Variants in WIPI2 observed in about 807,000 individuals in gnomAD.
WIPI2 encodes the protein WD repeat domain, phosphoinositide interacting 2, also known as WD repeat domain phosphoinositide-interacting protein 2.
A neutral mutation model predicts 52.3 loss-of-function variants in WIPI2; 28 were observed. The ratio of observed to expected loss-of-function variants is 0.54; its 90% CI spans 0.40 to 0.73. The LOEUF (loss-of-function observed/expected upper bound fraction) is 0.73. Ranked by LOEUF, WIPI2 falls within the 30% of genes least tolerant of loss-of-function variation. WIPI2 has a pLI of 0.00. For missense variants in WIPI2, 506 were observed against 602.9 expected (o/e 0.84, Z 1.68); for synonymous variants, 268 against 245.0 (o/e 1.09, Z -0.88).
rs1562384727 is a variant in WIPI2 at position 5,197,135 on chromosome 7, A to C, written c.129-2441A>C. ...TCAAAAAACAAAAAAAAAAAAAAAA[A>C]AAAAAAAAAAACCATAAAATAAATA... On this transcript the variant is annotated intron_variant, in intron 2 of 12. Transcript: ENST00000288828. 7.4e-5 allele frequency among the ~76,000 whole-genome samples: 11 copies of C among 149,098 alleles called. 1 individual carries two copies. The South Asian group carries it at 8.4e-4, about 11-fold the overall frequency.
chr7:5,198,943 C>T (rs79658270), intron 2 of WIPI2, among the ~76,000 whole-genome samples: 3 of 152,194 alleles, frequency 2.0e-5, no homozygotes, highest in African/African-American at 7.2e-5. Flanking sequence ...GATCTGCTGT[C>T]TCAGCAAATT....
At chr7:5,205,691 A>G (rs1399934067) in intron 3 of WIPI2, among the ~76,000 whole-genome samples, 1 of 152,054 alleles carries the variant, frequency 6.6e-6, no homozygotes, top group African/African-American at 2.4e-5. Context: ...TTTTTTTAGT[A>G]GAGATGGGGT....
intron 1 of WIPI2, among the ~76,000 whole-genome samples, chr7:5,191,870 G>T (rs1781499175): frequency 6.6e-6 from 1 of 152,182 alleles, no homozygotes; most frequent in Non-Finnish European, 1.5e-5. Flanking sequence ...GAAGACAGTC[G>T]CACAGTGGGA....
rs370155032 is a variant in WIPI2 at position 5,193,100 on chromosome 7, T to C, written c.75-18T>C. The C allele has an allele frequency of 8.1e-6, 13 of 1,612,092 alleles. No individual in the cohort carries two copies. The highest frequency in any genetic ancestry group is 1.0e-5 in the Non-Finnish European group (12 of 1,178,674). On this transcript the variant is annotated intron_variant, in intron 1 of 12. Coordinates refer to ENST00000288828, the MANE Select transcript of WIPI2 (RefSeq NM_015610.4). ...TTTTTACCATTTGTTTTTTGTTTTG[T>C]TTTGTTTTTTTACCTAGAGAAGTGA...
In WIPI2 at chr7:5,190,337, C is replaced by T. The variant is rs939649256; in HGVS notation, c.-83C>T. 9.8e-5 allele frequency: 96 copies of T among 975,202 alleles called. No individual in the cohort carries two copies. Among genetic ancestry groups the T allele is most frequent in the Non-Finnish European group, 1.1e-4 (85 of 756,596 alleles). The allele number at this position is 975,202 out of a possible 1,614,324, so 60.4% of individuals were successfully genotyped here. On this transcript the variant is annotated 5_prime_UTR_variant, in exon 1 of 13. Transcript: ENST00000288828. ...GCGGCGACCGAGGCGGCGAGCGGGGCCCGGCGCCGACCCTGAGTGCAGCCT... is the reference window on the plus strand; with the variant it reads ...GCGGCGACCGAGGCGGCGAGCGGGGTCCGGCGCCGACCCTGAGTGCAGCCT...
chr7:5,216,081 GGA>G (rs1782795231), intron 4 of WIPI2: 1 of 155,972 alleles, frequency 6.4e-6, no homozygotes, highest in Non-Finnish European at 1.4e-5. Flanking sequence ...TGAGTATGAG[GGA>G]GAGGTGCATC....
At position 5,227,544 on chromosome 7, in the gene WIPI2, G is replaced by A. The variant is rs758806480; in HGVS notation, c.1013+200G>A. Among the ~76,000 whole-genome samples the A allele has an allele frequency of 1.4e-4, 22 of 152,314 alleles. No homozygotes were observed. Among genetic ancestry groups the A allele is most frequent in the Non-Finnish European group, 2.4e-4 (16 of 68,034 alleles). On this transcript the variant is annotated intron_variant, in intron 10 of 12. Coordinates refer to ENST00000288828, the MANE Select transcript of WIPI2 (RefSeq NM_015610.4). The surrounding 1 kb of genome is among the most constrained non-coding windows in gnomAD (Gnocchi z 8.1). ...TCTGTGCGGGGGTCCATTTCCAGAC[G>A]GGCTCCCGTTCTGTTTTTGTGGATA...
Position 5,217,905 on chromosome 7 carries a change from T to C in WIPI2, c.577-17T>C. On this transcript the variant is annotated splice_polypyrimidine_tract_variant and intron_variant, in intron 6 of 12. Transcript: ENST00000288828. ...TCACTGTGCGGTGGCCACTCTTTAT[T>C]GGTGTCCCTTTTTCAGAGAGCTGCA... 1 of 1,614,008 alleles carries C rather than the reference T, an allele frequency of 6.2e-7. No individual in the cohort carries two copies. The highest frequency in any genetic ancestry group is 8.5e-7 in the Non-Finnish European group (1 of 1,179,916).
Position 5,193,098 on chromosome 7 carries a change from T to C in WIPI2, c.75-20T>C. 4 of 1,611,420 alleles carry C rather than the reference T, an allele frequency of 2.5e-6. No individual in the cohort carries two copies. The highest frequency in any genetic ancestry group is 1.7e-5 in the Admixed American group (1 of 59,814). On this transcript the variant is annotated intron_variant, in intron 1 of 12. Transcript: ENST00000288828. The stretch of plus-strand genomic sequence containing the variant: ...GTTTTTTACCATTTGTTTTTTGTTT[T>C]GTTTTGTTTTTTTACCTAGAGAAGT...
In WIPI2 at chr7:5,222,675, A is replaced by G; in HGVS notation, c.740+3A>G. ...GAGTTTCGGAGAGGAGTAAAGAGGT[A>G]AAGTACGTGAATGTCCAGAATGGAT... On this transcript the variant is annotated splice_donor_region_variant and intron_variant, in intron 8 of 12. Coordinates refer to ENST00000288828, the MANE Select transcript of WIPI2 (RefSeq NM_015610.4). The G allele has an allele frequency of 1.9e-6, 3 of 1,613,038 alleles. No homozygotes were observed. The highest frequency in any genetic ancestry group is 2.5e-6 in the Non-Finnish European group (3 of 1,179,114).
intron 8 of WIPI2, among the ~76,000 whole-genome samples, chr7:5,225,319 T>G: frequency 6.6e-6 from 1 of 152,076 alleles, no homozygotes; most frequent in Non-Finnish European, 1.5e-5. Context: ...TTTTGTAATT[T>G]TAGTAGAGAC....
At chr7:5,220,884 CTG>C (rs962588404) in intron 7 of WIPI2, among the ~76,000 whole-genome samples, 2 of 151,898 alleles carry the variant, frequency 1.3e-5, no homozygotes, top group Admixed American at 6.6e-5. Flanking sequence ...GCCTCCACCT[CTG>C]GGGCTCAAGC....
At chr7:5,212,846 C>T (rs1204523999) in intron 3 of WIPI2, among the ~76,000 whole-genome samples, 3 of 152,258 alleles carry the variant, frequency 2.0e-5, no homozygotes, top group Non-Finnish European at 1.5e-5. Flanking sequence ...CACCGCCTAG[C>T]AAGCAGGGCT....
In WIPI2 at chr7:5,222,607, C is replaced by A; in HGVS notation, c.675C>A (p.Thr225=). The change falls in exon 8 of 13, where the codon ACC becomes ACA. Residue 225 remains threonine (T), a synonymous_variant. Transcript: ENST00000288828. ...TTTCTCTTTTCCTTCCACAGGGGACCGTGATTAGGGTATTTTCCATTCCAG... is the reference window on the plus strand; with the variant it reads ...TTTCTCTTTTCCTTCCACAGGGGACAGTGATTAGGGTATTTTCCATTCCAG... ...TKLATASEKG[T]VIRVFSIPEG... The A allele has an allele frequency of 6.2e-7, 1 of 1,613,730 alleles. No individual in the cohort carries two copies. Among genetic ancestry groups the A allele is most frequent in the South Asian group, 1.1e-5 (1 of 91,068 alleles).
intron 8 of WIPI2, 101 bp downstream of exon 8, chr7:5,222,773 A>C: frequency 8.4e-7 from 1 of 1,191,618 alleles, no homozygotes. Context: ...GGAGAATTCC[A>C]CACGAGCATT....
intron 3 of WIPI2, among the ~76,000 whole-genome samples, chr7:5,205,297 A>G (rs1782241000): frequency 6.6e-6 from 1 of 152,230 alleles, no homozygotes; most frequent in Non-Finnish European, 1.5e-5. Flanking sequence ...GTCTTAAGTA[A>G]TGACAAAAAT....
At chr7:5,209,284 A>T (rs913635158) in intron 3 of WIPI2, among the ~76,000 whole-genome samples, 2 of 152,016 alleles carry the variant, frequency 1.3e-5, no homozygotes, top group Non-Finnish European at 2.9e-5. Flanking sequence ...TGTGCCTTTT[A>T]TTTCTTTTTC....
At chr7:5,205,863 G>A (rs1370232911) in intron 3 of WIPI2, among the ~76,000 whole-genome samples, 1 of 139,752 alleles carries the variant, frequency 7.2e-6, no homozygotes, top group Admixed American at 7.6e-5. Flanking sequence ...TTTCCCCCAT[G>A]CAGTCATGTG....
rs550165383 is a variant in WIPI2, at chr7:5,230,477, G to A, written c.1253-358G>A. ...TCGCTGCCACTCCCATCTGTGAACC[G>A]GCACTTCCAGTTCATGAGCCCACCC... is the stretch of plus-strand genomic sequence containing the variant. On this transcript the variant is annotated intron_variant, in intron 12 of 12. Coordinates refer to ENST00000288828, the MANE Select transcript of WIPI2 (RefSeq NM_015610.4). This position sits in a 1 kb window ranked among gnomAD's most constrained non-coding sequence, Gnocchi z 4.8. 6.6e-6 allele frequency among the ~76,000 whole-genome samples: 1 copy of A among 152,152 alleles called. No individual in the cohort carries two copies. The highest frequency in any genetic ancestry group is 1.9e-4 in the East Asian group (1 of 5,190).
Sources: gnomAD v4.1 joint callset for allele counts (sites outside exome capture counted in the v4.1 genomes callset) on GRCh38, gnomAD v4.1.1 for gene constraint, Gnocchi (gnomAD v3.1) non-coding constraint, MANE v1.5 for transcripts, NCBI Gene and HGNC (gene_info 2026-07-23, HGNC 2026-07-21) for gene names.